DNHD1: variants seen among roughly 807,000 people sequenced by gnomAD.
DNHD1 encodes the protein dynein heavy chain domain 1.
A neutral mutation model predicts 458.1 loss-of-function variants in DNHD1; 383 were observed. That is an observed-to-expected ratio of 0.84 (90% CI 0.77 to 0.91). The LOEUF (loss-of-function observed/expected upper bound fraction) is 0.91, where lower values mean the gene tolerates loss of function less well. Ranked by LOEUF, DNHD1 falls within the 40% of genes least tolerant of loss-of-function variation. DNHD1 has a pLI of 0.00. For synonymous variants in DNHD1, 2,203 were observed against 2,376.9 expected, an observed-to-expected ratio of 0.93 and a Z score of 2.13; for missense variants, 5,336 against 5,866.1, an observed-to-expected ratio of 0.91 and a Z score of 2.95.
chr11:6,524,855 C>T (rs988342306), intron 10 of DNHD1, among the ~76,000 whole-genome samples: 2 of 152,184 alleles, frequency 1.3e-5, no homozygotes, highest in African/African-American at 4.8e-5. Context: ...CTAGATTCAG[C>T]TGCAGTGGCC....
Position 6,571,629 on chromosome 11 carries a change from C to T in DNHD1, c.13912-7C>T. On this transcript the variant is annotated splice_polypyrimidine_tract_variant and splice_region_variant and intron_variant, in intron 42 of 42. Coordinates refer to ENST00000254579, the MANE Select transcript of DNHD1 (RefSeq NM_144666.3). The surrounding 1 kb of genome is among the most constrained non-coding windows in gnomAD (Gnocchi z 5.0). ...AGCCTTGCCTGACCAGCTTCTGACG[C>T]CCCCAGGTGGAGAATGGTCCAAATC... The T allele has an allele frequency of 6.4e-7, 1 of 1,555,252 alleles. No individual in the cohort carries two copies. The highest frequency in any genetic ancestry group is 8.7e-7 in the Non-Finnish European group (1 of 1,147,172).
chr11:6,564,646 C>A lies in DNHD1; in HGVS notation c.10598C>A (p.Ser3533Ter), dbSNP rs369368255. The A allele has an allele frequency of 6.4e-7, 1 of 1,551,690 alleles. No homozygotes were observed. The highest frequency in any genetic ancestry group is 2.4e-5 in the East Asian group (1 of 40,914). ...WDGNLKPQAK[S>*]AHLAGLLLRS... ...GGAAACCTGAAGCCACAGGCAAAGTCGGCCCACCTGGCAGGCTTGCTTCTG... is the reference window on the plus strand; with the variant it reads ...GGAAACCTGAAGCCACAGGCAAAGTAGGCCCACCTGGCAGGCTTGCTTCTG... Residue 3533 changes from serine (S) to a stop codon, truncating the protein, a stop_gained, in exon 32 of 43, where the codon TCG (serine) becomes TAG (stop). Transcript: ENST00000254579. LOFTEE classifies it high-confidence loss of function.
chr11:6,570,121 C>T lies in DNHD1; in HGVS notation c.12955+21C>T, dbSNP rs774517975. ...GGCTGGTGAGACCCTTCCTCTCCCC[C>T]TTGGAGTCATCAGCCCCCAGGAGAG... is the stretch of plus-strand genomic sequence containing the variant. On this transcript the variant is annotated intron_variant, in intron 40 of 42. Transcript: ENST00000254579. 1.9e-6 allele frequency: 3 copies of T among 1,613,732 alleles called. No individual in the cohort carries two copies. In the Admixed American group the frequency reaches 5.0e-5, roughly 27 times the overall value.
chr11:6,546,446 C>G lies in DNHD1; in HGVS notation c.5507C>G (p.Ala1836Gly). ...ALALPDLRQVAELTLLGAGMR... is the reference protein window; with the variant it reads ...ALALPDLRQVGELTLLGAGMR... ...GCATTGCCTGATCTGCGGCAAGTGG[C>G]AGAGCTGACTCTGCTGGGTGCAGGG... Residue 1836 changes from alanine to glycine, a missense_variant, in exon 21 of 43, where the codon GCA (alanine) becomes GGA (glycine). By Grantham distance (60) the Ala-to-Gly change is moderately conservative. Coordinates refer to ENST00000254579, the MANE Select transcript of DNHD1 (RefSeq NM_144666.3). The G allele has an allele frequency of 6.4e-7, 1 of 1,551,340 alleles. No individual in the cohort carries two copies. The highest frequency in any genetic ancestry group is 8.7e-7 in the Non-Finnish European group (1 of 1,147,028).
chr11:6,545,631 T>C lies in DNHD1; in HGVS notation c.4692T>C (p.Ser1564=), dbSNP rs773892274. 28 of 1,551,726 alleles carry C rather than the reference T, an allele frequency of 1.8e-5. No homozygotes were observed. In the South Asian group the frequency reaches 3.2e-4, roughly 18 times the overall value. Residue 1564 remains serine, a synonymous_variant, in exon 21 of 43, where the codon TCT becomes TCC. Coordinates refer to ENST00000254579, the MANE Select transcript of DNHD1 (RefSeq NM_144666.3). This position sits in a 1 kb window ranked among gnomAD's most constrained non-coding sequence, Gnocchi z 4.9. The part of the protein sequence containing the change: ...RASQGGQSLP[S]VRQTSLLSAL... Reference sequence around the variant, plus strand: ...CCCAAGGTGGGCAGTCCCTGCCTTCTGTCCGCCAGACCAGCCTTCTCAGTG... The same window carrying C: ...CCCAAGGTGGGCAGTCCCTGCCTTCCGTCCGCCAGACCAGCCTTCTCAGTG...
intron 7 of DNHD1, among the ~76,000 whole-genome samples, chr11:6,517,613 C>A (rs1852503950): frequency 7.0e-6 from 1 of 142,508 alleles, no homozygotes; most frequent in South Asian, 2.3e-4. Flanking sequence ...GTGAAATAAG[C>A]CAGACAAGGA....
intron 7 of DNHD1, among the ~76,000 whole-genome samples, chr11:6,512,735 G>T (rs2555146): frequency 0.31 from 47,336 of 151,524 alleles, 7,614 homozygotes; most frequent in Admixed American, 0.37. Flanking sequence ...TACTATATAA[G>T]TTACTTACTA....
At chr11:6,537,343 T>TTCATTCGC (rs575911972) in intron 14 of DNHD1, among the ~76,000 whole-genome samples, 48 of 152,290 alleles carry the variant, frequency 3.2e-4, no homozygotes, top group African/African-American at 1.1e-3. Flanking sequence ...GGGCTGACAG[T>TTCATTCGC]TCATTCGCTC....
In DNHD1 at chr11:6,505,975, T is replaced by C. The variant is rs1001785489; in HGVS notation, c.921-2905T>C. 1.3e-5 allele frequency among the ~76,000 whole-genome samples: 2 copies of C among 152,226 alleles called. No individual in the cohort carries two copies. The highest frequency in any genetic ancestry group is 2.9e-5 in the Non-Finnish European group (2 of 68,046). ...CTTAGGGCTTTAAACTATCAGCATCTTTTATAATTAGAGAAGCATCTCGAT... is the reference window on the plus strand; with the variant it reads ...CTTAGGGCTTTAAACTATCAGCATCCTTTATAATTAGAGAAGCATCTCGAT... On this transcript the variant is annotated intron_variant, in intron 4 of 42. Coordinates refer to ENST00000254579, the MANE Select transcript of DNHD1 (RefSeq NM_144666.3). The surrounding 1 kb of genome is among the most constrained non-coding windows in gnomAD (Gnocchi z 4.4).
At position 6,564,691 on chromosome 11, in the gene DNHD1, G is replaced by A; in HGVS notation, c.10643G>A (p.Ser3548Asn). ...GLLLRSPTHY[S>N]SCRWPLLLDP... ...CTTCTGCGAAGCCCCACACACTACAGTAGTTGCCGTTGGCCTCTGCTGCTT... is the reference window on the plus strand; with the variant it reads ...CTTCTGCGAAGCCCCACACACTACAATAGTTGCCGTTGGCCTCTGCTGCTT... The change falls in exon 32 of 43, where the codon AGT (serine) becomes AAT (asparagine). Residue 3548 changes from serine (S) to asparagine (N), a missense_variant. Physicochemically the swap from Ser to Asn is conservative, Grantham distance 46 (BLOSUM62 1). Around this residue, in one of 4 missense-constraint regions of DNHD1, gnomAD observed 3,932 missense variants for 4,365.6 expected, o/e 0.90. Transcript: ENST00000254579. 6.4e-7 allele frequency: 1 copy of A among 1,551,540 alleles called. No individual in the cohort carries two copies. The highest frequency in any genetic ancestry group is 1.7e-4 in the Middle Eastern group (1 of 5,992).
intron 4 of DNHD1, among the ~76,000 whole-genome samples, chr11:6,507,380 G>A (rs945627969): frequency 1.3e-5 from 2 of 152,030 alleles, no homozygotes; most frequent in Non-Finnish European, 1.5e-5. Context: ...CAATACATAT[G>A]GATTGATATA....
Position 6,533,614 on chromosome 11 carries a change from T to C in DNHD1, c.2506-67T>C, listed in dbSNP as rs539498508. 9 of 1,482,766 alleles carry C rather than the reference T, an allele frequency of 6.1e-6. No individual in the cohort carries two copies. In the East Asian group the frequency reaches 1.5e-4, roughly 24 times the overall value. The allele number at this position is 1,482,766 out of a possible 1,614,324, so 91.9% of individuals were successfully genotyped here. ...TCACTCCAAAAGGTGGGAGTTCCCC[T>C]TGGGGATGGGACCAAAGAGGTACAT... is the stretch of plus-strand genomic sequence containing the variant. On this transcript the variant is annotated intron_variant, in intron 13 of 42. Transcript: ENST00000254579.
chr11:6,549,883 A>T (rs1433921232), intron 24 of DNHD1, among the ~76,000 whole-genome samples: 2 of 152,220 alleles, frequency 1.3e-5, no homozygotes, highest in Non-Finnish European at 2.9e-5. Flanking sequence ...GGGATATTGA[A>T]GTGTAAAGTT....
At chr11:6,522,917 C>A (rs149850735) in intron 10 of DNHD1, among the ~76,000 whole-genome samples, 1 of 152,180 alleles carries the variant, frequency 6.6e-6, no homozygotes, top group African/African-American at 2.4e-5. Flanking sequence ...TCTTAAACGG[C>A]GTTCTCCAAT....
chr11:6,498,060 G>C lies in DNHD1; in HGVS notation c.-156G>C, dbSNP rs898834478. 1 of 1,023,198 alleles carries C rather than the reference G, an allele frequency of 9.8e-7. No homozygotes were observed. Among genetic ancestry groups the C allele is most frequent in the Non-Finnish European group, 1.5e-6 (1 of 689,566 alleles). The allele number at this position is 1,023,198 out of a possible 1,614,324, so 63.4% of individuals were successfully genotyped here. ...TCTTCCTCCTAACCCCATTGACTCTGACCATCCCCTGCCCAGAGCCTGAGG... is the reference window on the plus strand; with the variant it reads ...TCTTCCTCCTAACCCCATTGACTCTCACCATCCCCTGCCCAGAGCCTGAGG... On this transcript the variant is annotated 5_prime_UTR_variant, in exon 3 of 43. Transcript: ENST00000254579.
intron 7 of DNHD1, among the ~76,000 whole-genome samples, chr11:6,512,424 G>C (rs376401076): frequency 3.3e-5 from 5 of 151,462 alleles, no homozygotes; most frequent in African/African-American, 1.2e-4. Context: ...GGGTTTCACT[G>C]TGTTAGCCAG....
At chr11:6,527,270 A>C (rs1350655874) in intron 10 of DNHD1, among the ~76,000 whole-genome samples, 1 of 152,218 alleles carries the variant, frequency 6.6e-6, no homozygotes, top group East Asian at 1.9e-4. Context: ...ATGCAGGTAG[A>C]AAAGTTAGAA....
rs1399179604 is a variant in DNHD1 at position 6,557,168 on chromosome 11, CG to C, written c.7876del (p.Val2626CysfsTer9). The C allele has an allele frequency of 6.4e-7, 1 of 1,551,692 alleles. No individual in the cohort carries two copies. The highest frequency in any genetic ancestry group is 1.4e-5 in the African/African-American group (1 of 73,160). On this transcript the variant is annotated frameshift_variant, in exon 25 of 43. Coordinates refer to ENST00000254579, the MANE Select transcript of DNHD1 (RefSeq NM_144666.3). LOFTEE classifies it high-confidence loss of function. ...TCCCAACCACCAGGAGCACTTGCGC[CG>C]GGTGTCAGGCCTGCGAGGCACTTGT... ...DYPNHQEHLR[R>X]VSGLRGTCLT...
intron 3 of DNHD1, among the ~76,000 whole-genome samples, chr11:6,501,397 A>G (rs1298061808): frequency 1.3e-5 from 2 of 151,916 alleles, no homozygotes; most frequent in African/African-American, 4.8e-5. Context: ...AAATGAATAA[A>G]TAGACTAAGG....
Sources: gnomAD v4.1 joint callset for allele counts (sites outside exome capture counted in the v4.1 genomes callset) on GRCh38, gnomAD v4.1.1 for gene constraint, gnomAD v4.1.1 regional missense constraint, Gnocchi (gnomAD v3.1) non-coding constraint, MANE v1.5 for transcripts, NCBI Gene and HGNC (gene_info 2026-07-23, HGNC 2026-07-21) for gene names.